NFS1: variants seen among roughly 807,000 people sequenced by gnomAD.
The protein encoded by NFS1 is cysteine desulfurase.
NFS1 carries 26 observed loss-of-function variants against 57.3 expected under a neutral mutation model. That is an observed-to-expected ratio of 0.45 (90% CI 0.33 to 0.63). The LOEUF is 0.63. NFS1 is among the 20% of genes least tolerant of loss of function. NFS1 has a pLI of 0.02. For synonymous variants in NFS1, 209 were observed against 216.3 expected (o/e 0.97, Z 0.30); for missense variants, 505 against 605.8 (o/e 0.83, Z 1.75).
chr20:35,692,641 G>A, intron 4 of NFS1, among the ~76,000 whole-genome samples: 1 of 151,074 alleles, frequency 6.6e-6, no homozygotes, highest in East Asian at 1.9e-4. Context: ...GCTGCAGTGA[G>A]CTGAGATCTG....
In NFS1 at chr20:35,676,758, G is replaced by GAAAAAAAAAAA. The variant is rs746820595; in HGVS notation, c.791-1567_791-1557dup. On this transcript the variant is annotated intron_variant, in intron 7 of 12. Transcript: ENST00000374092. ...GCCTCCCAATAACCAGAGAAAATCA[G>GAAAAAAAAAAA]AAAAAAAAAAAAAAAAAAAAAAAAA... 2.3e-3 allele frequency among the ~76,000 whole-genome samples: 41 copies of GAAAAAAAAAAA among 18,106 alleles called. 1 individual carries two copies. The highest frequency in any genetic ancestry group is 5.1e-3 in the African/African-American group (20 of 3,924). The allele number at this position is 18,106 out of a possible 152,430, so 11.9% of individuals were successfully genotyped here. A position where few individuals can be genotyped will look rare whatever the true frequency, so the allele number is the denominator to read the frequency against.
intron 12 of NFS1, 69 bp from the exon 13 acceptor site, chr20:35,669,754 C>A: frequency 6.9e-7 from 1 of 1,453,442 alleles, no homozygotes; most frequent in Non-Finnish European, 9.7e-7. Context: ...GGCCCCAAGG[C>A]TCTGAGCAAT....
intron 4 of NFS1, among the ~76,000 whole-genome samples, 181 bp from the exon 5 acceptor site, chr20:35,690,746 A>G (rs1243698690): frequency 6.6e-6 from 1 of 152,132 alleles, no homozygotes; most frequent in Non-Finnish European, 1.5e-5. Flanking sequence ...TGAAAACCCC[A>G]TGGGTTAAGG....
chr20:35,677,181 G>T (rs2034767643), intron 7 of NFS1, among the ~76,000 whole-genome samples: 1 of 152,058 alleles, frequency 6.6e-6, no homozygotes, highest in Non-Finnish European at 1.5e-5. Flanking sequence ...GCACTTTTTT[G>T]TAGCTTTTGA....
rs1306251223 is a variant in NFS1, at chr20:35,698,389, TCTC to T, written c.207+89_207+91del. 3 of 1,002,724 alleles carry T rather than the reference TCTC, an allele frequency of 3.0e-6. No individual in the cohort carries two copies. In the African/African-American group the frequency reaches 4.9e-5, roughly 16 times the overall value. The allele number at this position is 1,002,724 out of a possible 1,614,324, so 62.1% of individuals were successfully genotyped here. A position where few individuals can be genotyped will look rare whatever the true frequency, so the allele number is the denominator to read the frequency against. On this transcript the variant is annotated intron_variant, in intron 2 of 12. Transcript: ENST00000374092. ...GCTTTTTCCAGCACACCTTCACGGC[TCTC>T]ACTTCTCCAGGGATTCAGCCATTTC...
intron 12 of NFS1, among the ~76,000 whole-genome samples, chr20:35,671,285 T>G (rs972821276): frequency 1.3e-5 from 2 of 152,188 alleles, no homozygotes; most frequent in African/African-American, 2.4e-5. Context: ...GTATTCTTAG[T>G]AGAGACGGGG....
chr20:35,690,528 A>T lies in NFS1; in HGVS notation c.446T>A (p.Leu149Ter). The change falls in exon 5 of 13, where the codon TTG (leucine) becomes TAG (stop). Residue 149 changes from leucine to a stop codon, truncating the protein, a stop_gained. Coordinates refer to ENST00000374092, the MANE Select transcript of NFS1 (RefSeq NM_021100.5). LOFTEE classifies it high-confidence loss of function. ...ARFYRSRKKH[L>*]ITTQTEHKCV... ...TTTGTGTTCTGTCTGGGTGGTGATC[A>T]AGTGCTTTTTCCGTGACCTGTAGAA... is the stretch of plus-strand genomic sequence containing the variant. 6.2e-7 allele frequency: 1 copy of T among 1,614,124 alleles called. No homozygotes were observed. The highest frequency in any genetic ancestry group is 1.7e-5 in the Admixed American group (1 of 60,010).
chr20:35,672,409 C>T (rs577978796), intron 12 of NFS1, among the ~76,000 whole-genome samples: 20 of 152,194 alleles, frequency 1.3e-4, no homozygotes, highest in African/African-American at 4.8e-4. Flanking sequence ...GCCACCACTC[C>T]CGGCTAATTT....
intron 5 of NFS1, among the ~76,000 whole-genome samples, chr20:35,685,811 T>G (rs1206763735): frequency 1.6e-5 from 2 of 125,446 alleles, no homozygotes; most frequent in African/African-American, 3.1e-5. Context: ...TGAGCTGAGA[T>G]CGCGCCACTG....
chr20:35,698,456 G>A (rs1188861478), intron 2 of NFS1, 25 bp downstream of exon 2: 2 of 1,529,354 alleles, frequency 1.3e-6, no homozygotes, highest in East Asian at 4.6e-5. Flanking sequence ...CCTATAAGCA[G>A]CCTTGGGAAA....
At chr20:35,671,819 G>C (rs1038602627) in intron 12 of NFS1, among the ~76,000 whole-genome samples, 2 of 151,614 alleles carry the variant, frequency 1.3e-5, no homozygotes, top group Non-Finnish European at 2.9e-5. Flanking sequence ...GAGCTTGGGA[G>C]GCACAAGTTG....
Position 35,690,604 on chromosome 20 carries a change from C to G in NFS1, c.409-39G>C, listed in dbSNP as rs191597569. On this transcript the variant is annotated intron_variant, in intron 4 of 12. Coordinates refer to ENST00000374092, the MANE Select transcript of NFS1 (RefSeq NM_021100.5). ...GTGACAGATGGAAGGAGAACATACT[C>G]AGAGAGACAGCAATGACTTCAATCT... 2.9e-4 allele frequency: 462 copies of G among 1,606,446 alleles called. No individual in the cohort carries two copies. In the African/African-American group the frequency reaches 5.6e-3, roughly 20 times the overall value.
At chr20:35,679,196 A>AT (rs892107511) in intron 7 of NFS1, among the ~76,000 whole-genome samples, 39 of 151,626 alleles carry the variant, frequency 2.6e-4, no homozygotes, top group African/African-American at 6.1e-4. Context: ...AGTTCATGAG[A>AT]TTTTTTTTGT....
Position 35,681,880 on chromosome 20 carries a change from A to T in NFS1, c.655+8T>A. 6.4e-7 allele frequency: 1 copy of T among 1,558,168 alleles called. No homozygotes were observed. Among genetic ancestry groups the T allele is most frequent in the South Asian group, 1.1e-5 (1 of 89,826 alleles). ...GGGCAGGGATCAGGGATAAGCCATG[A>T]TACTCACCTATTTCTGCAATAGGCT... On this transcript the variant is annotated splice_region_variant and intron_variant, in intron 6 of 12. Transcript: ENST00000374092.
chr20:35,689,768 T>TAA (rs765257027), intron 5 of NFS1, among the ~76,000 whole-genome samples: 4 of 108,458 alleles, frequency 3.7e-5, no homozygotes, highest in Non-Finnish European at 3.9e-5. Flanking sequence ...GACTCTGTTT[T>TAA]AAAAAAAAAA....
Position 35,673,025 on chromosome 20 carries a change from C to T in NFS1, c.1221-181G>A, listed in dbSNP as rs544333949. ...TGGATCGGCCGGGCATGGTGGCTCACGCCTGTAATTCCAACAGTTTGGGAG... is the reference window on the plus strand; with the variant it reads ...TGGATCGGCCGGGCATGGTGGCTCATGCCTGTAATTCCAACAGTTTGGGAG... On this transcript the variant is annotated intron_variant, in intron 11 of 12. Transcript: ENST00000374092. Among the ~76,000 whole-genome samples, 19 of 152,252 alleles carry T rather than the reference C, an allele frequency of 1.2e-4. No individual in the cohort carries two copies. The South Asian group carries it at 2.1e-3, about 17-fold the overall frequency.
rs771441961 is a variant in NFS1, at chr20:35,674,488, A to C, written c.1054+24T>G. 6 of 1,611,424 alleles carry C rather than the reference A, an allele frequency of 3.7e-6. No individual in the cohort carries two copies. In the Admixed American group the frequency reaches 1.0e-4, roughly 27 times the overall value. ...CAGAGTCTCAGCCTCTACCAGAATGAGGATAGAAAGAGCAAGTCCATACCG... is the reference window on the plus strand; with the variant it reads ...CAGAGTCTCAGCCTCTACCAGAATGCGGATAGAAAGAGCAAGTCCATACCG... On this transcript the variant is annotated intron_variant, in intron 9 of 12. Transcript: ENST00000374092.
intron 6 of NFS1, among the ~76,000 whole-genome samples, chr20:35,681,424 G>C (rs979830502): frequency 6.6e-6 from 1 of 152,238 alleles, no homozygotes; most frequent in Non-Finnish European, 1.5e-5. Flanking sequence ...CTGGCCGGGA[G>C]CAGTGGCTCA....
At chr20:35,693,689 C>T (rs1339240040) in intron 4 of NFS1, among the ~76,000 whole-genome samples, 3 of 151,990 alleles carry the variant, frequency 2.0e-5, no homozygotes, top group Admixed American at 6.6e-5. Flanking sequence ...ACAGGCCGGG[C>T]GCGGTGGTTC....
Sources: allele counts gnomAD v4.1 joint callset (sites outside exome capture counted in the v4.1 genomes callset), GRCh38; gene constraint gnomAD v4.1.1; transcripts MANE v1.5; gene names NCBI Gene and HGNC (gene_info 2026-07-23, HGNC 2026-07-21).